The following DIP2C variants were observed in gnomAD, a reference collection of about 807,000 sequenced individuals.
DIP2C encodes DIP2 acetate--CoA ligase C (putative).
In DIP2C, 33 loss-of-function variants were observed where a neutral mutation model predicts 192.4. That is an observed-to-expected ratio of 0.17 (90% confidence interval 0.13 to 0.23). The LOEUF is 0.23. Ranked by LOEUF, DIP2C falls within the 10% of genes least tolerant of loss-of-function variation. DIP2C has a pLI of 1.00. For missense variants in DIP2C, 1,537 were observed against 2,110.1 expected, an observed-to-expected ratio of 0.73 and a Z score of 5.32; for synonymous variants, 979 against 864.1, an observed-to-expected ratio of 1.13 and a Z score of -2.33.
At chr10:588,754 TACCCCAGCCTGCCAGGCTGGTACTCTC>T (rs1420066849) in intron 1 of DIP2C, among the ~76,000 whole-genome samples, 3 of 152,152 alleles carry the variant, frequency 2.0e-5, no homozygotes, top group Non-Finnish European at 4.4e-5. Flanking sequence ...CCCCACAGGC[TACCCCAGCCTGCCAGGCTGGTACTCTC>T]ACCCCAGCCA....
intron 1 of DIP2C, among the ~76,000 whole-genome samples, chr10:513,486 G>A (rs571852716): frequency 2.0e-5 from 3 of 151,914 alleles, no homozygotes; most frequent in African/African-American, 4.8e-5. Context: ...CTCCTCCACC[G>A]CGCCACACCA....
intron 1 of DIP2C, among the ~76,000 whole-genome samples, chr10:585,986 A>G (rs1850998986): frequency 6.6e-6 from 1 of 152,198 alleles, no homozygotes. Context: ...CGCTTCTTGC[A>G]GTGTCTCAAC....
intron 22 of DIP2C, among the ~76,000 whole-genome samples, chr10:360,837 A>G (rs1959390953): frequency 6.6e-6 from 1 of 152,216 alleles, no homozygotes; most frequent in African/African-American, 2.4e-5. Context: ...GGGTGTCAAT[A>G]GGCTGTCTCT....
chr10:348,621 G>A lies in DIP2C; in HGVS notation c.3231+20C>T, dbSNP rs180868880. Reference sequence around the variant, plus strand: ...TCAGCTCCAGGCAGGTGGAGGCCCCGACATTCCCAGGCATGTTACCTCCAC... The same window carrying A: ...TCAGCTCCAGGCAGGTGGAGGCCCCAACATTCCCAGGCATGTTACCTCCAC... On this transcript the variant is annotated intron_variant, in intron 26 of 36. Transcript: ENST00000280886. 8.7e-6 allele frequency: 14 copies of A among 1,609,962 alleles called. No homozygotes were observed. Among genetic ancestry groups the A allele is most frequent in the South Asian group, 5.5e-5 (5 of 90,492 alleles).
intron 2 of DIP2C, among the ~76,000 whole-genome samples, chr10:485,827 C>T (rs1843973785): frequency 1.3e-5 from 2 of 152,246 alleles, no homozygotes; most frequent in African/African-American, 2.4e-5. Flanking sequence ...TTCAAGGTCG[C>T]TCTTGGGCTG....
intron 1 of DIP2C, chr10:631,362 C>T (rs1015256831): frequency 3.9e-5 from 6 of 152,234 alleles, no homozygotes; most frequent in Non-Finnish European, 8.8e-5. Context: ...CCCAGGCTTC[C>T]GTCAGCCCCT....
chr10:438,672 G>A lies in DIP2C; in HGVS notation c.394+2199C>T, dbSNP rs1341229784. 3.3e-5 allele frequency among the ~76,000 whole-genome samples: 5 copies of A among 151,758 alleles called. No homozygotes were observed. The South Asian group carries it at 1.0e-3, about 32-fold the overall frequency. Reference sequence around the variant, plus strand: ...TGCCTGGCTGATTTCTGTATTTTTGGTGGAGACAGGGTTTTGGAATGTTGC... The same window carrying A: ...TGCCTGGCTGATTTCTGTATTTTTGATGGAGACAGGGTTTTGGAATGTTGC... On this transcript the variant is annotated intron_variant, in intron 4 of 36. Coordinates refer to ENST00000280886, the MANE Select transcript of DIP2C (RefSeq NM_014974.3).
chr10:456,935 C>T (rs370510731), intron 3 of DIP2C, among the ~76,000 whole-genome samples: 18 of 152,352 alleles, frequency 1.2e-4, no homozygotes, highest in African/African-American at 4.3e-4. Flanking sequence ...ATTCTCTGAC[C>T]TGCCATGTCC....
chr10:364,584 TG>T lies in DIP2C; in HGVS notation c.2269-3del, dbSNP rs1349173601. On this transcript the variant is annotated splice_polypyrimidine_tract_variant and splice_region_variant and intron_variant, in intron 19 of 36. Transcript: ENST00000280886. ...CCCGGAGCTTGTCATGGGAAACACC[TG>T]GGGGAAACAGCATCCATCAGGCCAC... The T allele has an allele frequency of 3.7e-6, 6 of 1,613,060 alleles. No homozygotes were observed. The highest frequency in any genetic ancestry group is 5.1e-6 in the Non-Finnish European group (6 of 1,179,316).
intron 1 of DIP2C, among the ~76,000 whole-genome samples, chr10:543,652 C>A (rs1848123311): frequency 6.6e-6 from 1 of 152,198 alleles, no homozygotes; most frequent in Admixed American, 6.5e-5. Flanking sequence ...AAGTTTAACT[C>A]TCTGGGGACA....
At chr10:544,534 A>G (rs761881336) in intron 1 of DIP2C, among the ~76,000 whole-genome samples, 6 of 152,082 alleles carry the variant, frequency 3.9e-5, no homozygotes, top group Non-Finnish European at 7.4e-5. Flanking sequence ...CAACTGTACC[A>G]TTTTCCTTCC....
chr10:385,758 G>A (rs181756578), intron 14 of DIP2C, among the ~76,000 whole-genome samples: 11 of 152,288 alleles, frequency 7.2e-5, no homozygotes, highest in African/African-American at 2.4e-4. Flanking sequence ...CAGGCTGTGT[G>A]GCGGGCTAGG....
intron 1 of DIP2C, among the ~76,000 whole-genome samples, chr10:545,101 C>T (rs1190043256): frequency 6.7e-6 from 1 of 149,648 alleles, no homozygotes; most frequent in Non-Finnish European, 1.5e-5. Flanking sequence ...GGGCCTTTAA[C>T]GTGACAATTT....
At position 275,998 on chromosome 10, in the gene DIP2C, C is replaced by T. The variant is rs1392347773; in HGVS notation, c.*1327G>A. 6.6e-6 allele frequency: 1 copy of T among 152,260 alleles called. No individual in the cohort carries two copies. The highest frequency in any genetic ancestry group is 2.4e-5 in the African/African-American group (1 of 41,442). The allele number at this position is 152,260 out of a possible 1,614,324, so 9.4% of individuals were successfully genotyped here. On this transcript the variant is annotated 3_prime_UTR_variant, in exon 37 of 37. Transcript: ENST00000280886. ...ATGTGAGTTCCGGACACTTTGTCCACTCCACATTGGCCATCAGAGGGGGAA... is the reference window on the plus strand; with the variant it reads ...ATGTGAGTTCCGGACACTTTGTCCATTCCACATTGGCCATCAGAGGGGGAA...
intron 29 of DIP2C, among the ~76,000 whole-genome samples, chr10:337,509 C>G (rs1957893880): frequency 8.3e-6 from 1 of 120,992 alleles, no homozygotes. Context: ...CCTAGACAGT[C>G]TGTGTGTGTG....
intron 1 of DIP2C, among the ~76,000 whole-genome samples, chr10:544,019 C>T (rs1051057170): frequency 2.0e-5 from 3 of 152,244 alleles, no homozygotes; most frequent in African/African-American, 4.8e-5. Context: ...TGACCTTTGA[C>T]GTGACCTTTG....
intron 1 of DIP2C, among the ~76,000 whole-genome samples, chr10:598,383 A>G (rs1851843985): frequency 6.6e-6 from 1 of 152,242 alleles, no homozygotes; most frequent in Non-Finnish European, 1.5e-5. Context: ...CCTTCAAATC[A>G]ATGAAGAATC....
At chr10:436,699 T>G (rs1235756456) in intron 4 of DIP2C, among the ~76,000 whole-genome samples, 1 of 139,876 alleles carries the variant, frequency 7.1e-6, no homozygotes, top group East Asian at 2.2e-4. Context: ...CATGGTAGGG[T>G]GGCCATGCTC....
intron 17 of DIP2C, among the ~76,000 whole-genome samples, chr10:371,601 C>T (rs1311555390): frequency 6.8e-6 from 1 of 147,088 alleles, no homozygotes; most frequent in Non-Finnish European, 1.5e-5. Flanking sequence ...GCACCCAAGG[C>T]TGGGGTGAGG....
Sources: allele counts gnomAD v4.1 joint callset (sites outside exome capture counted in the v4.1 genomes callset), GRCh38; gene constraint gnomAD v4.1.1; transcripts MANE v1.5; gene names NCBI Gene and HGNC (gene_info 2026-07-23, HGNC 2026-07-21).